Variants in MELK observed in about 807,000 individuals in gnomAD.
MELK encodes maternal embryonic leucine zipper kinase.
In MELK, 81 loss-of-function variants were observed where a neutral mutation model predicts 85.0. The observed-to-expected ratio is 0.95, with a 90% CI of 0.80 to 1.15. The LOEUF is 1.15. MELK is among the 50% of genes most tolerant of loss of function. The pLI is 0.00. For synonymous variants in MELK, 252 were observed against 265.0 expected (o/e 0.95, Z 0.48); for missense variants, 754 against 777.5 (o/e 0.97, Z 0.36).
chr9:36,629,778 T>C (rs558843492), intron 8 of MELK, among the ~76,000 whole-genome samples: 51 of 152,214 alleles, frequency 3.4e-4, no homozygotes, highest in African/African-American at 1.2e-3. Flanking sequence ...TTCTCTGATA[T>C]GTGGATAATT....
intron 5 of MELK, among the ~76,000 whole-genome samples, chr9:36,595,069 G>A (rs1314001456): frequency 6.6e-6 from 1 of 151,530 alleles, no homozygotes; most frequent in East Asian, 1.9e-4. Context: ...TGAGATTACA[G>A]GCACAGGGCA....
chr9:36,662,954 A>G (rs1375775063), intron 13 of MELK, among the ~76,000 whole-genome samples: 1 of 151,672 alleles, frequency 6.6e-6, no homozygotes, highest in Non-Finnish European at 1.5e-5. Context: ...AGAGATGTGG[A>G]TTTCTTTTAT....
At chr9:36,642,234 A>G (rs751203208) in intron 10 of MELK, among the ~76,000 whole-genome samples, 2 of 152,114 alleles carry the variant, frequency 1.3e-5, no homozygotes, top group African/African-American at 2.4e-5. Context: ...AGGCTCCTTG[A>G]ATTGTGCTAA....
Position 36,651,779 on chromosome 9 carries a change from C to T in MELK, c.955C>T (p.Leu319=). 7 of 1,614,034 alleles carry T rather than the reference C, an allele frequency of 4.3e-6. No homozygotes were observed. Among genetic ancestry groups the T allele is most frequent in the Non-Finnish European group, 5.9e-6 (7 of 1,179,942 alleles). Residue 319 remains leucine (L), a synonymous_variant, in exon 12 of 18, where the codon CTG becomes TTG. Transcript: ENST00000298048. ...QYDHLTATYL[L]LLAKKARGKP... The stretch of plus-strand genomic sequence containing the variant: ...TGATCACCTCACGGCTACCTATCTT[C>T]TGCTTCTAGCCAAGAAGGCTCGGGG...
chr9:36,667,447 T>C, intron 14 of MELK, among the ~76,000 whole-genome samples: 1 of 152,240 alleles, frequency 6.6e-6, no homozygotes, highest in East Asian at 1.9e-4. Flanking sequence ...TGGGCCATTG[T>C]GCCCGGCCCA....
At chr9:36,614,668 G>A (rs1437042791) in intron 8 of MELK, among the ~76,000 whole-genome samples, 11 of 111,926 alleles carry the variant, frequency 9.8e-5, no homozygotes, top group Non-Finnish European at 1.8e-4. Context: ...TCAAGCATCT[G>A]TTTAACAAAG....
intron 1 of MELK, among the ~76,000 whole-genome samples, chr9:36,574,844 C>T (rs1416111562): frequency 2.0e-5 from 3 of 151,414 alleles, no homozygotes; most frequent in Non-Finnish European, 4.4e-5. Context: ...AAGTTAAAGA[C>T]CCCAATTATA....
At chr9:36,644,693 A>G (rs1830066815) in intron 11 of MELK, among the ~76,000 whole-genome samples, 1 of 152,236 alleles carries the variant, frequency 6.6e-6, no homozygotes, top group South Asian at 2.1e-4. Flanking sequence ...ATAATCTTTA[A>G]TGGAAGACTA....
chr9:36,676,157 G>T (rs1327989250), intron 17 of MELK, among the ~76,000 whole-genome samples: 3 of 152,086 alleles, frequency 2.0e-5, no homozygotes, highest in South Asian at 2.1e-4. Flanking sequence ...TGGCATTTTT[G>T]ATGTTGACTG....
Position 36,606,358 on chromosome 9 carries a change from AATAT to A in MELK, c.568-1213_568-1210del, listed in dbSNP as rs1169251242. ...TATACATATGTATAGGTGTGTATATAATATATACATATGTATAGGTGTGTATATA... is the reference window on the plus strand; with the variant it reads ...TATACATATGTATAGGTGTGTATATAATACATATGTATAGGTGTGTATATA... On this transcript the variant is annotated intron_variant, in intron 7 of 17. Transcript: ENST00000298048. Among the ~76,000 whole-genome samples, 15 of 134,548 alleles carry A rather than the reference AATAT, an allele frequency of 1.1e-4. No homozygotes were observed. The East Asian group carries it at 3.0e-3, about 27-fold the overall frequency. The allele number at this position is 134,548 out of a possible 152,430, so 88.3% of individuals were successfully genotyped here.
intron 3 of MELK, 104 bp from the exon 4 acceptor site, chr9:36,589,432 C>G: frequency 2.3e-6 from 2 of 875,218 alleles, no homozygotes; most frequent in Admixed American, 3.8e-5. Flanking sequence ...CAGGTGTGAG[C>G]CACCGTGCCC....
At chr9:36,609,378 G>C (rs1377768963) in intron 8 of MELK, among the ~76,000 whole-genome samples, 1 of 151,696 alleles carries the variant, frequency 6.6e-6, no homozygotes, top group East Asian at 1.9e-4. Context: ...AGAACATCTT[G>C]TGTTCCATAG....
intron 11 of MELK, among the ~76,000 whole-genome samples, chr9:36,645,290 G>A (rs77423020): frequency 0.017 from 2,613 of 150,498 alleles, 29 homozygotes; most frequent in Non-Finnish European, 0.028. Context: ...CATATTTAGA[G>A]TTTCAATAAT....
chr9:36,601,258 A>G (rs1438026723), intron 7 of MELK, among the ~76,000 whole-genome samples: 2 of 152,178 alleles, frequency 1.3e-5, no homozygotes, highest in Admixed American at 6.6e-5. Context: ...GATATGGTGC[A>G]GGATGCATTT....
At chr9:36,655,067 A>G (rs947353354) in intron 12 of MELK, among the ~76,000 whole-genome samples, 6 of 152,220 alleles carry the variant, frequency 3.9e-5, no homozygotes, top group African/African-American at 1.4e-4. Flanking sequence ...GACTGATCCA[A>G]GAATCACAAA....
At chr9:36,623,035 C>A (rs527503853) in intron 8 of MELK, among the ~76,000 whole-genome samples, 2 of 152,320 alleles carry the variant, frequency 1.3e-5, no homozygotes, top group African/African-American at 4.8e-5. Flanking sequence ...AACAGTGTTT[C>A]TCAACATTAA....
chr9:36,591,706 A>C (rs112127251), intron 4 of MELK, among the ~76,000 whole-genome samples: 2,215 of 152,300 alleles, frequency 0.015, 50 homozygotes, highest in African/African-American at 0.05. Flanking sequence ...CAAGGTGGGA[A>C]GATCACTTGA....
intron 4 of MELK, among the ~76,000 whole-genome samples, chr9:36,592,325 C>T (rs1357258097): frequency 3.3e-5 from 5 of 152,066 alleles, no homozygotes; most frequent in Admixed American, 3.3e-4. Flanking sequence ...TAGGCACGTG[C>T]CATCACCCCC....
intron 8 of MELK, among the ~76,000 whole-genome samples, chr9:36,629,696 A>C (rs948770661): frequency 3.3e-5 from 5 of 152,216 alleles, no homozygotes; most frequent in Non-Finnish European, 7.3e-5. Context: ...CTTACTGTCC[A>C]TTTAATACTA....
Sources: gnomAD v4.1 joint callset for allele counts (sites outside exome capture counted in the v4.1 genomes callset) on GRCh38, gnomAD v4.1.1 for gene constraint, MANE v1.5 for transcripts, NCBI Gene and HGNC (gene_info 2026-07-23, HGNC 2026-07-21) for gene names.